The following DOK6 variants were observed in gnomAD, a reference collection of about 807,000 sequenced individuals.
The protein encoded by DOK6 is docking protein 6.
DOK6 carries 22 observed loss-of-function variants against 44.0 expected under a neutral mutation model. The observed-to-expected ratio is 0.50, with a 90% confidence interval of 0.36 to 0.71. The LOEUF is 0.71. DOK6 is among the 30% of genes least tolerant of loss of function. The pLI, the probability that DOK6 is intolerant of heterozygous loss-of-function variation, is 0.00. For synonymous variants in DOK6, 166 were observed against 145.5 expected (o/e 1.14, Z -1.01); for missense variants, 340 against 416.4 (o/e 0.82, Z 1.60).
chr18:69,589,477 T>A (rs1432458123), intron 2 of DOK6, among the ~76,000 whole-genome samples: 1 of 152,026 alleles, frequency 6.6e-6, no homozygotes, highest in Non-Finnish European at 1.5e-5. Context: ...CTTGAAAAAA[T>A]CTAGAAAGTA....
Position 69,803,771 on chromosome 18 carries a change from A to G in DOK6, c.857-37473A>G, listed in dbSNP as rs993588236. ...CTACTCGGGAGGCTGAGGCAGAAGA[A>G]TCACTTGAACCCGGGAGGCAGAGGT... On this transcript the variant is annotated intron_variant, in intron 7 of 7. Coordinates refer to ENST00000382713, the MANE Select transcript of DOK6 (RefSeq NM_152721.6). 2.5e-4 allele frequency among the ~76,000 whole-genome samples: 38 copies of G among 152,186 alleles called. 1 individual carries two copies. Among genetic ancestry groups the G allele is most frequent in the Middle Eastern group, 3.4e-3 (1 of 294 alleles).
intron 1 of DOK6, among the ~76,000 whole-genome samples, chr18:69,511,226 G>T (rs929141893): frequency 3.9e-5 from 6 of 152,024 alleles, no homozygotes; most frequent in African/African-American, 1.4e-4. Context: ...CATATCATCT[G>T]TTGTTTTTGT....
At chr18:69,617,142 A>G (rs1383948146) in intron 3 of DOK6, among the ~76,000 whole-genome samples, 5 of 152,098 alleles carry the variant, frequency 3.3e-5, no homozygotes, top group East Asian at 3.9e-4. Flanking sequence ...TTAAAATGCA[A>G]TGTACTCTGG....
At chr18:69,533,178 G>C (rs1254907982) in intron 1 of DOK6, among the ~76,000 whole-genome samples, 1 of 152,002 alleles carries the variant, frequency 6.6e-6, no homozygotes, top group East Asian at 1.9e-4. Context: ...TCTTTTCATT[G>C]TATGGAAACT....
intron 5 of DOK6, 26 bp from the exon 6 acceptor site, chr18:69,738,939 C>A (rs776464180): frequency 1.2e-6 from 2 of 1,612,584 alleles, no homozygotes; most frequent in South Asian, 2.2e-5. Context: ...GGAGACCCAT[C>A]TCTTTCCCTA....
intron 3 of DOK6, among the ~76,000 whole-genome samples, chr18:69,658,542 GA>G (rs1400674033): frequency 1.3e-5 from 2 of 152,008 alleles, no homozygotes; most frequent in African/African-American, 4.8e-5. Context: ...TATTCCATTT[GA>G]AAGCAGCATG....
At chr18:69,553,168 A>T (rs1982606463) in intron 1 of DOK6, among the ~76,000 whole-genome samples, 1 of 152,224 alleles carries the variant, frequency 6.6e-6, no homozygotes, top group Non-Finnish European at 1.5e-5. Context: ...TGGGAAAATA[A>T]TTGCTATTTC....
chr18:69,550,180 CGT>C (rs1299384658), intron 1 of DOK6, among the ~76,000 whole-genome samples: 1,910 of 147,400 alleles, frequency 0.013, 34 homozygotes, highest in Non-Finnish European at 0.02. Context: ...ACCTCTTCTG[CGT>C]CTACAAAATT....
chr18:69,636,190 A>G (rs1984804383), intron 3 of DOK6, among the ~76,000 whole-genome samples: 2 of 152,324 alleles, frequency 1.3e-5, no homozygotes, highest in African/African-American at 2.4e-5. Flanking sequence ...TTATTGGACC[A>G]TGGGGTACCA....
At chr18:69,553,905 G>A (rs1339879305) in intron 1 of DOK6, among the ~76,000 whole-genome samples, 1 of 152,152 alleles carries the variant, frequency 6.6e-6, no homozygotes, top group African/African-American at 2.4e-5. Context: ...TCAGTCTCAT[G>A]AGTGGTTTGT....
At chr18:69,717,589 GGT>G (rs1346623340) in intron 5 of DOK6, among the ~76,000 whole-genome samples, 1 of 152,158 alleles carries the variant, frequency 6.6e-6, no homozygotes, top group East Asian at 1.9e-4. Context: ...AGAAGTACTG[GGT>G]TTAGTCACAG....
intron 3 of DOK6, among the ~76,000 whole-genome samples, chr18:69,646,151 T>C (rs950298725): frequency 7.9e-5 from 12 of 152,224 alleles, no homozygotes; most frequent in African/African-American, 2.7e-4. Context: ...TAGATTTGAG[T>C]TCCTTGATTT....
At chr18:69,815,952 T>A (rs910542809) in intron 7 of DOK6, among the ~76,000 whole-genome samples, 1 of 152,150 alleles carries the variant, frequency 6.6e-6, no homozygotes, top group Non-Finnish European at 1.5e-5. Context: ...CTATCCTACA[T>A]TTTATGTCTT....
chr18:69,708,058 G>A (rs555940352), intron 5 of DOK6, among the ~76,000 whole-genome samples: 1 of 152,264 alleles, frequency 6.6e-6, no homozygotes, highest in South Asian at 2.1e-4. Flanking sequence ...AATAAAGTGG[G>A]CAGAGAGTTT....
chr18:69,637,134 A>G (rs1350327690), intron 3 of DOK6, among the ~76,000 whole-genome samples: 1 of 152,220 alleles, frequency 6.6e-6, no homozygotes, highest in Non-Finnish European at 1.5e-5. Context: ...GCACCCTGTG[A>G]TCTGTCTTAA....
At position 69,822,801 on chromosome 18, in the gene DOK6, T is replaced by A. The variant is rs762535526; in HGVS notation, c.857-18443T>A. 7.8e-4 allele frequency among the ~76,000 whole-genome samples: 119 copies of A among 152,338 alleles called. 1 individual carries two copies. Among genetic ancestry groups the A allele is most frequent in the Middle Eastern group, 3.4e-3 (1 of 294 alleles). On this transcript the variant is annotated intron_variant, in intron 7 of 7. Coordinates refer to ENST00000382713, the MANE Select transcript of DOK6 (RefSeq NM_152721.6). The stretch of plus-strand genomic sequence containing the variant: ...TAAATCTGCATCTGTTTACATTTTT[T>A]AAAAATACTTTAAATTGTTATACTT...
At chr18:69,838,948 CCT>C (rs1982129407) in intron 7 of DOK6, among the ~76,000 whole-genome samples, 1 of 151,058 alleles carries the variant, frequency 6.6e-6, no homozygotes, top group African/African-American at 2.4e-5. Flanking sequence ...TAGTTCCTTC[CCT>C]AGTCCCTCGA....
intron 7 of DOK6, among the ~76,000 whole-genome samples, chr18:69,781,803 C>G (rs1015111884): frequency 3.3e-5 from 5 of 152,014 alleles, no homozygotes; most frequent in African/African-American, 9.7e-5. Context: ...AAAAATTTAT[C>G]AGGGTAAAAG....
intron 7 of DOK6, among the ~76,000 whole-genome samples, chr18:69,787,471 A>G (rs1399465393): frequency 6.6e-6 from 1 of 152,230 alleles, no homozygotes; most frequent in Admixed American, 6.5e-5. Flanking sequence ...TGGAATCAAT[A>G]CATTATAAGG....
Sources: gnomAD v4.1 joint callset for allele counts (sites outside exome capture counted in the v4.1 genomes callset) on GRCh38, gnomAD v4.1.1 for gene constraint, MANE v1.5 for transcripts, NCBI Gene and HGNC (gene_info 2026-07-23, HGNC 2026-07-21) for gene names.